DNM1L: variants seen among roughly 807,000 people sequenced by gnomAD.
DNM1L encodes the protein dynamin-1-like protein.
A neutral mutation model predicts 92.8 loss-of-function variants in DNM1L; 33 were observed. That is an observed-to-expected ratio of 0.36 (90% CI 0.27 to 0.48). The LOEUF (loss-of-function observed/expected upper bound fraction) is 0.48, where lower values mean the gene tolerates loss of function less well. Among genes scored for constraint, DNM1L ranks in the 20% least tolerant of loss-of-function variants. DNM1L has a pLI of 0.99. For missense variants in DNM1L, 485 were observed against 888.8 expected, an observed-to-expected ratio of 0.55 and a Z score of 5.78; for synonymous variants, 284 against 305.0, an observed-to-expected ratio of 0.93 and a Z score of 0.72.
At chr12:32,694,586 C>T (rs535666934) in intron 1 of DNM1L, among the ~76,000 whole-genome samples, 2 of 151,956 alleles carry the variant, frequency 1.3e-5, no homozygotes, top group Non-Finnish European at 2.9e-5. Context: ...ATTAAATATC[C>T]ATATTAGGGA....
intron 6 of DNM1L, among the ~76,000 whole-genome samples, chr12:32,718,101 A>ATATAC (rs1953624054): frequency 2.2e-5 from 3 of 137,936 alleles, no homozygotes; most frequent in African/African-American, 8.1e-5. Flanking sequence ...TATATACTAT[A>ATATAC]TATATTTTAT....
chr12:32,701,285 A>T (rs1354590468), intron 1 of DNM1L, 130 bp from the exon 2 acceptor site: 8 of 850,238 alleles, frequency 9.4e-6, no homozygotes, highest in African/African-American at 3.5e-5. Context: ...TCAAAAAAAA[A>T]AAAAAATAGT....
intron 1 of DNM1L, among the ~76,000 whole-genome samples, chr12:32,680,258 G>C (rs1039948576): frequency 2.6e-5 from 4 of 152,140 alleles, no homozygotes; most frequent in Non-Finnish European, 4.4e-5. Context: ...GTTATTTCTA[G>C]AGTGACAGAG....
chr12:32,739,653 A>G (rs748740875), intron 16 of DNM1L, among the ~76,000 whole-genome samples: 1 of 152,250 alleles, frequency 6.6e-6, no homozygotes, highest in Non-Finnish European at 1.5e-5. Flanking sequence ...AGAGTTTAAC[A>G]GTGTTAATGA....
intron 3 of DNM1L, 145 bp from the exon 4 acceptor site, chr12:32,708,008 C>G: frequency 1.8e-6 from 1 of 552,050 alleles, no homozygotes; most frequent in Non-Finnish European, 3.2e-6. Context: ...AAATCCTTAG[C>G]TCAGAAAATA....
chr12:32,717,967 A>G (rs1376400948), intron 6 of DNM1L, among the ~76,000 whole-genome samples: 1 of 103,962 alleles, frequency 9.6e-6, no homozygotes, highest in Non-Finnish European at 1.8e-5. Context: ...TAGTATATAT[A>G]TTATATATAG....
chr12:32,708,367 C>G, intron 4 of DNM1L, 143 bp downstream of exon 4: 1 of 586,144 alleles, frequency 1.7e-6, no homozygotes, highest in South Asian at 2.1e-5. Context: ...ATTGTAAATT[C>G]ATAATGGACT....
intron 9 of DNM1L, among the ~76,000 whole-genome samples, chr12:32,729,380 C>G (rs139791155): frequency 2.6e-5 from 4 of 152,124 alleles, no homozygotes; most frequent in Non-Finnish European, 5.9e-5. Context: ...CGCGCCCAGC[C>G]GAAATTCTTA....
At chr12:32,707,495 T>C in intron 3 of DNM1L, 82 bp downstream of exon 3, 1 of 996,536 alleles carries the variant, frequency 1.0e-6, no homozygotes, top group Non-Finnish European at 1.5e-6. Context: ...TTTCTAATCA[T>C]TGGCAATTAC....
At position 32,743,115 on chromosome 12, in the gene DNM1L, T is replaced by TCTAA. The variant is rs36094363; in HGVS notation, c.2155-236_2155-233dup. ...TTTCACCATGTTAGCCAGGATAGTC[T>TCTAA]CTAACTCCTGACCTCATGATCCGCC... On this transcript the variant is annotated intron_variant, in intron 19 of 19. Transcript: ENST00000549701. Among the ~76,000 whole-genome samples the TCTAA allele has an allele frequency of 0.036, 5,406 of 151,830 alleles. 246 individuals are homozygous for TCTAA. The highest frequency in any genetic ancestry group is 0.11 in the African/African-American group (4,421 of 41,334).
At chr12:32,743,267 T>A in intron 19 of DNM1L, 87 bp from the exon 20 acceptor site, 1 of 1,175,264 alleles carries the variant, frequency 8.5e-7, no homozygotes, top group Non-Finnish European at 1.2e-6. Flanking sequence ...ACCTACCACA[T>A]ATATATTGGA....
At chr12:32,704,885 C>T (rs532383755) in intron 2 of DNM1L, among the ~76,000 whole-genome samples, 2 of 151,964 alleles carry the variant, frequency 1.3e-5, no homozygotes, top group South Asian at 4.2e-4. Context: ...CAAATACTTG[C>T]ATATACTTAC....
At position 32,681,358 on chromosome 12, in the gene DNM1L, C is replaced by G. The variant is rs544921310; in HGVS notation, c.102+1893C>G. 1.3e-4 allele frequency among the ~76,000 whole-genome samples: 20 copies of G among 152,258 alleles called. No homozygotes were observed. In the South Asian group the frequency reaches 3.1e-3, roughly 24 times the overall value. ...TTGATTCCAGGAGTTCAAGACCAGC[C>G]TGGGCAACGTGGGGAAACTCCATCT... On this transcript the variant is annotated intron_variant, in intron 1 of 19. Coordinates refer to ENST00000549701, the MANE Select transcript of DNM1L (RefSeq NM_012062.5).
chr12:32,686,937 C>CTTTTTTTT (rs71447614), intron 1 of DNM1L, among the ~76,000 whole-genome samples: 6 of 95,602 alleles, frequency 6.3e-5, no homozygotes, highest in East Asian at 2.6e-4. Flanking sequence ...TCTTTTTTTT[C>CTTTTTTTT]TTTTTTTTTT....
intron 1 of DNM1L, among the ~76,000 whole-genome samples, chr12:32,687,237 A>G (rs1299275112): frequency 6.6e-6 from 1 of 150,912 alleles, no homozygotes; most frequent in African/African-American, 2.4e-5. Context: ...TTATTTTTTA[A>G]TGTTTTTTCC....
At chr12:32,692,345 GT>G (rs1952266542) in intron 1 of DNM1L, among the ~76,000 whole-genome samples, 2 of 152,102 alleles carry the variant, frequency 1.3e-5, no homozygotes, top group African/African-American at 4.8e-5. Flanking sequence ...TTGTTTGTTT[GT>G]TTTGGTGCAT....
Position 32,731,988 on chromosome 12 carries a change from G to A in DNM1L, c.1446+45G>A, listed in dbSNP as rs768877371. 1.3e-6 allele frequency: 2 copies of A among 1,491,902 alleles called. No homozygotes were observed. The highest frequency in any genetic ancestry group is 1.9e-6 in the Non-Finnish European group (2 of 1,070,854). 92.4% of individuals were successfully genotyped at this position (1,491,902 alleles called of 1,614,324 possible). On this transcript the variant is annotated intron_variant, in intron 12 of 19. Coordinates refer to ENST00000549701, the MANE Select transcript of DNM1L (RefSeq NM_012062.5). This position sits in a 1 kb window ranked among gnomAD's most constrained non-coding sequence, Gnocchi z 5.1. ...ATCATTGTAATTACTATTAGTAAAA[G>A]TTTAAATTTTTGCTTGGCTGCTTTT...
intron 1 of DNM1L, among the ~76,000 whole-genome samples, chr12:32,683,143 C>T (rs146938751): frequency 6.6e-6 from 1 of 152,336 alleles, no homozygotes; most frequent in Non-Finnish European, 1.5e-5. Flanking sequence ...TAGTAATGTA[C>T]TTTACACTTT....
intron 19 of DNM1L, 79 bp downstream of exon 19, chr12:32,742,827 T>TG (rs1955400293): frequency 9.8e-6 from 15 of 1,533,676 alleles, no homozygotes; most frequent in Admixed American, 1.7e-5. Flanking sequence ...GTTTGATTCT[T>TG]GGATATGTAT....
Sources: allele counts gnomAD v4.1 joint callset (sites outside exome capture counted in the v4.1 genomes callset), GRCh38; gene constraint gnomAD v4.1.1; non-coding constraint Gnocchi (gnomAD v3.1); transcripts MANE v1.5; gene names NCBI Gene and HGNC (gene_info 2026-07-23, HGNC 2026-07-21).